ADPRHL1: variants seen among roughly 807,000 people sequenced by gnomAD.
The protein encoded by ADPRHL1 is inactive ADP-ribosyltransferase ARH2.
Under a neutral mutation model 44.1 loss-of-function variants are expected in ADPRHL1, and 43 were observed. The ratio of observed to expected loss-of-function variants is 0.98; its 90% CI spans 0.76 to 1.26. The LOEUF is 1.26. Ranked by LOEUF, ADPRHL1 falls within the 50% of genes most tolerant of loss-of-function variation. The probability of loss-of-function intolerance (pLI) is 0.00; values close to 1 mark genes in which losing one functional copy is unlikely to be tolerated. For synonymous variants in ADPRHL1, 878 were observed against 1,017.4 expected, an observed-to-expected ratio of 0.86 and a Z score of 2.61; for missense variants, 2,022 against 2,496.9, an observed-to-expected ratio of 0.81 and a Z score of 4.05.
chr13:113,406,117 G>A lies in ADPRHL1; in HGVS notation c.3165C>T (p.Val1055=), dbSNP rs2043806606. Residue 1055 remains valine (V), a synonymous_variant, in exon 8 of 8, where the codon GTC becomes GTT. Transcript: ENST00000612156. ...SSKGRTGPEG[V]TPMGMTVPGA... Reference sequence around the variant, plus strand: ...CGGGCACTGTCATGCCCATCGGGGTGACACCCTCAGGCCCCGTACGCCCCT... The same window carrying A: ...CGGGCACTGTCATGCCCATCGGGGTAACACCCTCAGGCCCCGTACGCCCCT... 1.6e-6 allele frequency: 2 copies of A among 1,232,028 alleles called. No homozygotes were observed. Among genetic ancestry groups the A allele is most frequent in the African/African-American group, 3.1e-5 (2 of 64,428 alleles). The allele number at this position is 1,232,028 out of a possible 1,614,324, so 76.3% of individuals were successfully genotyped here.
chr13:113,424,405 T>C (rs1310058425), intron 5 of ADPRHL1, 56 bp from the exon 6 acceptor site: 1 of 1,605,708 alleles, frequency 6.2e-7, no homozygotes, highest in Non-Finnish European at 8.5e-7. Flanking sequence ...CTTCTGGGTA[T>C]ATTACAGCAC....
rs2043836548 is a variant in ADPRHL1 at position 113,409,624 on chromosome 13, C to G, written c.1062-1404G>C. The stretch of plus-strand genomic sequence containing the variant: ...CTGAGGCCGGGCGCCGTGGCTCACG[C>G]CTGTAATCTCAGCGTGATTTGGGAG... On this transcript the variant is annotated intron_variant, in intron 7 of 7. Transcript: ENST00000612156. The surrounding 1 kb of genome is among the most constrained non-coding windows in gnomAD (Gnocchi z 4.2). 4.1e-6 allele frequency: 4 copies of G among 985,128 alleles called. No individual in the cohort carries two copies. The highest frequency in any genetic ancestry group is 1.2e-6 in the Non-Finnish European group (1 of 829,838). The allele number at this position is 985,128 out of a possible 1,614,324, so 61.0% of individuals were successfully genotyped here. A position where few individuals can be genotyped will look rare whatever the true frequency, so the allele number is the denominator to read the frequency against.
At chr13:113,444,789 A>AT (rs923946084) in intron 1 of ADPRHL1, among the ~76,000 whole-genome samples, 200 bp from the exon 2 acceptor site, 2 of 151,970 alleles carry the variant, frequency 1.3e-5, no homozygotes, top group African/African-American at 4.8e-5. Flanking sequence ...CGCCCGGCTA[A>AT]TTTTTTTGTA....
In ADPRHL1 at chr13:113,407,687, T is replaced by C. The variant is rs145620138; in HGVS notation, c.1595A>G (p.Lys532Arg). 0.017 allele frequency: 21,487 copies of C among 1,232,072 alleles called. 212 individuals carry two copies. Among genetic ancestry groups the C allele is most frequent in the South Asian group, 0.02 (491 of 24,322 alleles). The allele number at this position is 1,232,072 out of a possible 1,614,324, so 76.3% of individuals were successfully genotyped here. Reference protein sequence around the residue: ...AREKPPVERPKAARGLLPKIM... With the variant: ...AREKPPVERPRAARGLLPKIM... ...CTTCGGCAAGAGGCCCCTGGCGGCT[T>C]TGGGCCGCTCCACAGGGGGCTTCTC... is the stretch of plus-strand genomic sequence containing the variant. The change falls in exon 8 of 8, where the codon AAA becomes AGA. Residue 532 changes from lysine to arginine, a missense_variant. Lys to Arg is a conservative substitution (Grantham distance 26). Coordinates refer to ENST00000612156, the MANE Select transcript of ADPRHL1 (RefSeq NM_001394807.1).
intron 7 of ADPRHL1, chr13:113,422,608 G>T: frequency 1.5e-6 from 1 of 647,052 alleles, no homozygotes; most frequent in Non-Finnish European, 2.6e-6. Flanking sequence ...TGTCAATGTT[G>T]ATGGTGGAGG....
chr13:113,410,308 C>T (rs1336699773), intron 7 of ADPRHL1, among the ~76,000 whole-genome samples: 1 of 152,172 alleles, frequency 6.6e-6, no homozygotes, highest in Non-Finnish European at 1.5e-5. Flanking sequence ...TGCTGAGACC[C>T]GGATTTTGGG....
chr13:113,446,163 C>T lies in ADPRHL1; in HGVS notation c.215-1574G>A, dbSNP rs367757128. Among the ~76,000 whole-genome samples the T allele has an allele frequency of 2.8e-3, 369 of 133,990 alleles. 1 individual carries two copies. Among genetic ancestry groups the T allele is most frequent in the African/African-American group, 9.5e-3 (345 of 36,158 alleles). The allele number at this position is 133,990 out of a possible 152,430, so 87.9% of individuals were successfully genotyped here. On this transcript the variant is annotated intron_variant, in intron 1 of 7. Transcript: ENST00000612156. ...TCCCCCCCAGAGAGCACGCAGGGCC[C>T]GCAGCTGCAAACCCTCCAGAGAAAA...
At chr13:113,449,031 A>C (rs954305075) in intron 1 of ADPRHL1, 1 of 986,600 alleles carries the variant, frequency 1.0e-6, no homozygotes, top group Admixed American at 6.1e-5. Flanking sequence ...CTTGGTGATA[A>C]TGCGCTGGCA....
intron 2 of ADPRHL1, among the ~76,000 whole-genome samples, chr13:113,438,306 T>C (rs975534967): frequency 1.2e-4 from 18 of 152,242 alleles, no homozygotes; most frequent in African/African-American, 4.1e-4. Flanking sequence ...TATTTGCATT[T>C]TTCTAATGAC....
Position 113,403,698 on chromosome 13 carries a change from G to C in ADPRHL1, c.5584C>G (p.Pro1862Ala). Residue 1862 changes from proline to alanine, a missense_variant, in exon 8 of 8, where the codon CCA (proline) becomes GCA (alanine). Physicochemically the swap from Pro to Ala is conservative, Grantham distance 27. Transcript: ENST00000612156. ...CTGAGGGGGCGGCTTCCTGGGGGTG[G>C]GTACCCGGCGCTGGGCTCCCCCAGG... ...SGLGEPSAGYPPPGSRPLRGK... is the reference protein window; with the variant it reads ...SGLGEPSAGYAPPGSRPLRGK... 1 of 1,231,960 alleles carries C rather than the reference G, an allele frequency of 8.1e-7. No individual in the cohort carries two copies. The highest frequency in any genetic ancestry group is 1.0e-6 in the Non-Finnish European group (1 of 988,200). The allele number at this position is 1,231,960 out of a possible 1,614,324, so 76.3% of individuals were successfully genotyped here.
At chr13:113,433,090 G>A (rs2044018736) in intron 3 of ADPRHL1, among the ~76,000 whole-genome samples, 1 of 149,492 alleles carries the variant, frequency 6.7e-6, no homozygotes, top group Non-Finnish European at 1.5e-5. Flanking sequence ...TGTTAAGGGG[G>A]CGACATGATC....
At chr13:113,451,883 G>T (rs527894135) in intron 1 of ADPRHL1, among the ~76,000 whole-genome samples, 12 of 152,188 alleles carry the variant, frequency 7.9e-5, no homozygotes, top group African/African-American at 2.7e-4. Flanking sequence ...CTGTTGGGCC[G>T]ATCTCCGTCG....
intron 1 of ADPRHL1, among the ~76,000 whole-genome samples, chr13:113,445,935 C>CGCGTGG (rs1381549592): frequency 6.7e-6 from 1 of 149,536 alleles, no homozygotes; most frequent in Non-Finnish European, 1.5e-5. Flanking sequence ...AGAGAGCACG[C>CGCGTGG]ACGTGTAGGG....
intron 1 of ADPRHL1, among the ~76,000 whole-genome samples, chr13:113,447,450 G>A (rs1038149764): frequency 1.3e-5 from 2 of 151,508 alleles, no homozygotes; most frequent in Non-Finnish European, 2.9e-5. Context: ...TCATGGTGGT[G>A]TGTGTGTATG....
intron 2 of ADPRHL1, among the ~76,000 whole-genome samples, chr13:113,435,123 A>G (rs1185961506): frequency 7.6e-6 from 1 of 131,992 alleles, no homozygotes; most frequent in East Asian, 2.3e-4. Context: ...GAGTGAACAT[A>G]GGTGTACCCC....
At chr13:113,452,006 G>C (rs546853937) in intron 1 of ADPRHL1, among the ~76,000 whole-genome samples, 5 of 152,178 alleles carry the variant, frequency 3.3e-5, no homozygotes, top group Non-Finnish European at 7.3e-5. Context: ...TACCAGAAAT[G>C]GGACATGCAG....
At chr13:113,433,994 T>C (rs1227451648) in intron 2 of ADPRHL1, 127 bp from the exon 3 acceptor site, 27 of 1,356,136 alleles carry the variant, frequency 2.0e-5, no homozygotes, top group Admixed American at 3.0e-5. Flanking sequence ...GAGTGTGGTT[T>C]AAATGAGCGA....
intron 7 of ADPRHL1, among the ~76,000 whole-genome samples, chr13:113,410,442 C>T (rs958195709): frequency 1.3e-5 from 2 of 152,170 alleles, no homozygotes; most frequent in South Asian, 2.1e-4. Flanking sequence ...CTGAGGCAGA[C>T]GGCGCTCCTT....
At position 113,453,269 on chromosome 13, in the gene ADPRHL1, C is replaced by T; in HGVS notation, c.169G>A (p.Asp57Asn). ...VLSPGEWPVS[D>N]NTIMHIATAE... ...GTTGCGATGTGCATGATGGTGTTGT[C>T]ACTCACGGGCCATTCTCCTGGCGAG... The change falls in exon 1 of 8, where the codon GAC becomes AAC. Residue 57 changes from aspartate (D) to asparagine (N), a missense_variant. Coordinates refer to ENST00000612156, the MANE Select transcript of ADPRHL1 (RefSeq NM_001394807.1). The surrounding 1 kb of genome is among the most constrained non-coding windows in gnomAD (Gnocchi z 5.4). 1 of 1,614,156 alleles carries T rather than the reference C, an allele frequency of 6.2e-7. No homozygotes were observed. The highest frequency in any genetic ancestry group is 2.2e-5 in the East Asian group (1 of 44,874).
Sources: allele counts gnomAD v4.1 joint callset (sites outside exome capture counted in the v4.1 genomes callset), GRCh38; gene constraint gnomAD v4.1.1; non-coding constraint Gnocchi (gnomAD v3.1); transcripts MANE v1.5; gene names NCBI Gene and HGNC (gene_info 2026-07-23, HGNC 2026-07-21).